Variants in RAB3GAP1 observed in about 807,000 individuals in gnomAD.
RAB3GAP1 encodes the protein rab3 GTPase-activating protein catalytic subunit.
In RAB3GAP1, 86 loss-of-function variants were observed where a neutral mutation model predicts 130.7. The ratio of observed to expected loss-of-function variants is 0.66; its 90% CI spans 0.55 to 0.79. The LOEUF (loss-of-function observed/expected upper bound fraction) is 0.79, where lower values mean the gene tolerates loss of function less well. RAB3GAP1 is among the 30% of genes least tolerant of loss of function. RAB3GAP1 has a pLI of 0.00. For missense variants in RAB3GAP1, 1,029 were observed against 1,169.4 expected, an observed-to-expected ratio of 0.88 and a Z score of 1.75; for synonymous variants, 367 against 401.7, an observed-to-expected ratio of 0.91 and a Z score of 1.03.
chr2:135,163,946 T>C (rs1344323585), intron 22 of RAB3GAP1, among the ~76,000 whole-genome samples: 2 of 152,240 alleles, frequency 1.3e-5, no homozygotes, highest in East Asian at 3.8e-4. Context: ...TGTCTTCCTT[T>C]TAAATGAGAA....
At chr2:135,165,836 T>C (rs1692628563) in intron 23 of RAB3GAP1, among the ~76,000 whole-genome samples, 1 of 152,190 alleles carries the variant, frequency 6.6e-6, no homozygotes, top group Non-Finnish European at 1.5e-5. Context: ...GCTACCAATA[T>C]GAATGTTCCT....
chr2:135,105,395 C>G (rs1417300551), intron 5 of RAB3GAP1, among the ~76,000 whole-genome samples: 1 of 152,068 alleles, frequency 6.6e-6, no homozygotes, highest in African/African-American at 2.4e-5. Flanking sequence ...CCACGCCTGA[C>G]TGGTTTTCGT....
At chr2:135,174,573 GC>G (rs984585740), downstream of RAB3GAP1, among the ~76,000 whole-genome samples, 2 of 152,048 alleles carry the variant, frequency 1.3e-5, no homozygotes, top group Admixed American at 6.5e-5. Flanking sequence ...CTCTTCCAAA[GC>G]CCCCCCAGCC....
rs978907539 is a variant in RAB3GAP1, at chr2:135,169,089, T to C, written c.*308T>C. ...CGTCCTCACACTGGCAGGACGGTGT[T>C]CATCGCATTCTCTTCTGTGACCAGC... On this transcript the variant is annotated 3_prime_UTR_variant, in exon 24 of 24. Transcript: ENST00000264158. The C allele has an allele frequency of 2.3e-6, 1 of 442,808 alleles. No individual in the cohort carries two copies. The highest frequency in any genetic ancestry group is 2.0e-5 in the African/African-American group (1 of 49,962). 27.4% of individuals were successfully genotyped at this position (442,808 alleles called of 1,614,324 possible).
intron 6 of RAB3GAP1, 89 bp from the exon 7 acceptor site, chr2:135,115,127 T>C: frequency 7.8e-7 from 1 of 1,283,032 alleles, no homozygotes; most frequent in Non-Finnish European, 1.1e-6. Context: ...TTCAAATTCT[T>C]GAGATTAAAA....
At chr2:135,174,561 AG>A (rs1375675845), downstream of RAB3GAP1, among the ~76,000 whole-genome samples, 1 of 152,226 alleles carries the variant, frequency 6.6e-6, no homozygotes, top group Non-Finnish European at 1.5e-5. Context: ...ACACCATCAA[AG>A]CTCTTCCAAA....
At position 135,068,340 on chromosome 2, in the gene RAB3GAP1, A is replaced by G. The variant is rs1689379053; in HGVS notation, c.150+10254A>G. 2.0e-5 allele frequency among the ~76,000 whole-genome samples: 3 copies of G among 152,252 alleles called. No individual in the cohort carries two copies. The South Asian group carries it at 6.2e-4, about 32-fold the overall frequency. ...TTTGCTTGCCATTTAGTTACAGCAC[A>G]ATAACTAAATTTGTGATAAGTGAAA... On this transcript the variant is annotated intron_variant, in intron 3 of 23. Transcript: ENST00000264158.
At chr2:135,128,368 GTACT>G (rs1691417376) in intron 11 of RAB3GAP1, among the ~76,000 whole-genome samples, 2 of 152,244 alleles carry the variant, frequency 1.3e-5, no homozygotes, top group South Asian at 4.2e-4. Flanking sequence ...GATAACACTA[GTACT>G]TACTTCATAG....
At chr2:135,134,098 A>T in intron 15 of RAB3GAP1, 65 bp downstream of exon 15, 1 of 1,588,002 alleles carries the variant, frequency 6.3e-7, no homozygotes, top group South Asian at 1.1e-5. Context: ...TTGACTTTTG[A>T]CCTATTTTTT....
intron 5 of RAB3GAP1, among the ~76,000 whole-genome samples, chr2:135,108,549 T>C (rs527396913): frequency 1.2e-3 from 189 of 151,996 alleles, no homozygotes; most frequent in African/African-American, 3.4e-3. Context: ...TATGTTCTTA[T>C]TTTTGAGTTT....
At chr2:135,092,373 T>TA in intron 4 of RAB3GAP1, among the ~76,000 whole-genome samples, 1 of 152,320 alleles carries the variant, frequency 6.6e-6, no homozygotes, top group South Asian at 2.1e-4. Context: ...TAAAGAGGCT[T>TA]AGAATCAGTG....
intron 3 of RAB3GAP1, among the ~76,000 whole-genome samples, chr2:135,076,493 T>C (rs931700213): frequency 5.9e-5 from 9 of 152,232 alleles, no homozygotes; most frequent in African/African-American, 2.2e-4. Context: ...AATTTCCTTT[T>C]TGATGGCATG....
chr2:135,119,881 A>G (rs1691145496), intron 7 of RAB3GAP1, among the ~76,000 whole-genome samples: 1 of 152,222 alleles, frequency 6.6e-6, no homozygotes, highest in African/African-American at 2.4e-5. Context: ...AGTTTAGATT[A>G]AGCATTATGA....
At chr2:135,079,722 T>A (rs1558765465) in intron 3 of RAB3GAP1, among the ~76,000 whole-genome samples, 1 of 152,256 alleles carries the variant, frequency 6.6e-6, no homozygotes, top group African/African-American at 2.4e-5. Flanking sequence ...TCTTTAATTA[T>A]GTCCTTAGTC....
chr2:135,070,505 C>T (rs1689437330), intron 3 of RAB3GAP1, among the ~76,000 whole-genome samples: 1 of 152,016 alleles, frequency 6.6e-6, no homozygotes, highest in Admixed American at 6.6e-5. Flanking sequence ...AATTCCTGGC[C>T]TATAAAAGGA....
intron 3 of RAB3GAP1, among the ~76,000 whole-genome samples, chr2:135,076,910 G>T (rs116275126): frequency 2.0e-5 from 3 of 152,170 alleles, no homozygotes; most frequent in African/African-American, 4.8e-5. Flanking sequence ...ATGTTGTAAC[G>T]TGTCAGAATT....
chr2:135,122,225 T>A (rs1691226642), intron 8 of RAB3GAP1, among the ~76,000 whole-genome samples: 1 of 152,216 alleles, frequency 6.6e-6, no homozygotes, highest in South Asian at 2.1e-4. Flanking sequence ...GTATCTAGAC[T>A]ACAACAGAGA....
rs539095501 is a variant in RAB3GAP1 at position 135,150,136 on chromosome 2, A to G, written c.1924-233A>G. ...CTGTCTTTTACTATCAATCCTTGTCAAGGGAAACATGGTAATCTTATCTGT... is the reference window on the plus strand; with the variant it reads ...CTGTCTTTTACTATCAATCCTTGTCGAGGGAAACATGGTAATCTTATCTGT... On this transcript the variant is annotated intron_variant, in intron 17 of 23. Coordinates refer to ENST00000264158, the MANE Select transcript of RAB3GAP1 (RefSeq NM_012233.3). 5.7e-4 allele frequency among the ~76,000 whole-genome samples: 87 copies of G among 152,268 alleles called. 2 individuals carry two copies. The Middle Eastern group carries it at 0.014, about 24-fold the overall frequency.
In RAB3GAP1 at chr2:135,169,888, A is replaced by G. The variant is rs568271625; in HGVS notation, c.*1107A>G. ...AGGCCTAAAATTCCCACTTAAATCC[A>G]AAGTAAAAATGGTTATACTGAAGCA... On this transcript the variant is annotated 3_prime_UTR_variant, in exon 24 of 24. Transcript: ENST00000264158. 2.3e-5 allele frequency: 9 copies of G among 392,750 alleles called. No individual in the cohort carries two copies. The highest frequency in any genetic ancestry group is 4.6e-5 in the Non-Finnish European group (9 of 195,542). The allele number at this position is 392,750 out of a possible 1,614,324, so 24.3% of individuals were successfully genotyped here. A position where few individuals can be genotyped will look rare whatever the true frequency, so the allele number is the denominator to read the frequency against.
Sources: allele counts gnomAD v4.1 joint callset (sites outside exome capture counted in the v4.1 genomes callset), GRCh38; gene constraint gnomAD v4.1.1; transcripts MANE v1.5; gene names NCBI Gene and HGNC (gene_info 2026-07-23, HGNC 2026-07-21).